The following SANBR variants were observed in gnomAD, a reference collection of about 807,000 sequenced individuals.
SANBR encodes the protein SANT and BTB domain regulator of class switch recombination.
SANBR carries 77 observed loss-of-function variants against 101.8 expected under a neutral mutation model. The observed-to-expected ratio is 0.76, with a 90% CI of 0.63 to 0.91. SANBR has a LOEUF of 0.91. Ranked by LOEUF, SANBR falls within the 40% of genes least tolerant of loss-of-function variation. The pLI is 0.00. For synonymous variants in SANBR, 279 were observed against 274.7 expected (o/e 1.02, Z -0.15); for missense variants, 875 against 853.0 (o/e 1.03, Z -0.32).
At chr2:61,086,796 A>G (rs1682455889) in intron 8 of SANBR, among the ~76,000 whole-genome samples, 1 of 152,202 alleles carries the variant, frequency 6.6e-6, no homozygotes, top group African/African-American at 2.4e-5. Flanking sequence ...GCTGATCAGA[A>G]TGATCCATTA....
At chr2:61,093,775 G>T (rs1021818515) in intron 11 of SANBR, among the ~76,000 whole-genome samples, 8 of 152,108 alleles carry the variant, frequency 5.3e-5, no homozygotes, top group African/African-American at 1.9e-4. Context: ...ATTGATATGT[G>T]CCTTTGTTGT....
chr2:61,134,066 CTCT>C (rs1346326522), intron 20 of SANBR: 16 of 1,575,806 alleles, frequency 1.0e-5, no homozygotes, highest in Middle Eastern at 3.4e-4. Context: ...TTTGTTTAAT[CTCT>C]TCTTGTGTTT....
chr2:61,078,524 C>T (rs1573595737), intron 6 of SANBR, among the ~76,000 whole-genome samples: 2 of 151,958 alleles, frequency 1.3e-5, no homozygotes, highest in South Asian at 2.1e-4. Context: ...CGGGTTCAAG[C>T]GGTTCTCCTG....
intron 12 of SANBR, among the ~76,000 whole-genome samples, chr2:61,100,892 T>C (rs1683250059): frequency 6.6e-6 from 1 of 152,168 alleles, no homozygotes; most frequent in Non-Finnish European, 1.5e-5. Context: ...CAGTAACCCT[T>C]GTCTGCGTGA....
chr2:61,131,466 A>G (rs1407433958), intron 20 of SANBR, among the ~76,000 whole-genome samples: 1 of 152,218 alleles, frequency 6.6e-6, no homozygotes, highest in Non-Finnish European at 1.5e-5. Context: ...AGGCCTAATG[A>G]TAAATTTAAC....
chr2:61,091,817 A>G (rs1223545996), intron 10 of SANBR, among the ~76,000 whole-genome samples: 2 of 152,180 alleles, frequency 1.3e-5, no homozygotes, highest in Non-Finnish European at 2.9e-5. Flanking sequence ...ATATGACCAT[A>G]GCAAATATGG....
chr2:61,089,393 C>T (rs945636688), intron 10 of SANBR: 13 of 155,300 alleles, frequency 8.4e-5, no homozygotes, highest in African/African-American at 3.1e-4. Flanking sequence ...GTAGTCTCAG[C>T]TACTTGGGAG....
At chr2:61,104,426 G>C (rs1162060047) in intron 13 of SANBR, among the ~76,000 whole-genome samples, 1 of 151,082 alleles carries the variant, frequency 6.6e-6, no homozygotes, top group Non-Finnish European at 1.5e-5. Context: ...AGCTGGCAGT[G>C]AGCCAAGATC....
At chr2:61,078,150 A>G (rs1219955294) in intron 6 of SANBR, among the ~76,000 whole-genome samples, 1 of 152,252 alleles carries the variant, frequency 6.6e-6, no homozygotes, top group Admixed American at 6.5e-5. Context: ...CATTTTCCAA[A>G]TGACCAATAC....
chr2:61,110,548 G>A (rs567620074), intron 16 of SANBR, among the ~76,000 whole-genome samples: 19 of 152,288 alleles, frequency 1.2e-4, no homozygotes, highest in East Asian at 7.7e-4. Context: ...GCATAATGAC[G>A]GGTTCCTGTA....
intron 12 of SANBR, among the ~76,000 whole-genome samples, chr2:61,099,884 TGAAA>T (rs1298771932): frequency 1.3e-5 from 2 of 152,062 alleles, no homozygotes; most frequent in African/African-American, 4.8e-5. Context: ...AATAAAATAA[TGAAA>T]GAACTGTGTC....
intron 16 of SANBR, among the ~76,000 whole-genome samples, chr2:61,110,316 G>A (rs1011562846): frequency 6.6e-6 from 1 of 152,168 alleles, no homozygotes; most frequent in African/African-American, 2.4e-5. Context: ...AGCCGAGGCA[G>A]GCAGATCACC....
Position 61,088,449 on chromosome 2 carries a change from A to G in SANBR, c.1069A>G (p.Ile357Val), listed in dbSNP as rs769562584. The change falls in exon 10 of 22, where the codon ATT (isoleucine) becomes GTT (valine). Residue 357 changes from isoleucine (I) to valine (V), a missense_variant. Transcript: ENST00000402291. ...GKINVDRRGN[I>V]VYIHIRDKTW... Reference sequence around the variant, plus strand: ...AATCAATGTGGATCGACGTGGAAATATTGTCTATATTCACATAAGGTGTCG... The same window carrying G: ...AATCAATGTGGATCGACGTGGAAATGTTGTCTATATTCACATAAGGTGTCG... The G allele has an allele frequency of 6.2e-6, 10 of 1,604,470 alleles. No homozygotes were observed. The highest frequency in any genetic ancestry group is 4.5e-5 in the East Asian group (2 of 44,686).
downstream of SANBR, among the ~76,000 whole-genome samples, chr2:61,127,741 A>G (rs1397902456): frequency 6.6e-6 from 1 of 152,218 alleles, no homozygotes; most frequent in East Asian, 1.9e-4. Flanking sequence ...ATGAGACATC[A>G]TTAAGCTCGC....
At chr2:61,101,303 A>T (rs1358121182) in intron 12 of SANBR, among the ~76,000 whole-genome samples, 1 of 152,188 alleles carries the variant, frequency 6.6e-6, no homozygotes, top group African/African-American at 2.4e-5. Context: ...CTTTCTAACC[A>T]CATTAATTTC....
At chr2:61,133,189 T>C (rs765205637) in intron 20 of SANBR, among the ~76,000 whole-genome samples, 1 of 151,854 alleles carries the variant, frequency 6.6e-6, no homozygotes, top group Admixed American at 6.6e-5. Flanking sequence ...GAGGTGGAGG[T>C]TGCAGTGAGC....
chr2:61,077,551 A>T (rs1451167737), intron 6 of SANBR, among the ~76,000 whole-genome samples: 1 of 152,186 alleles, frequency 6.6e-6, no homozygotes, highest in East Asian at 1.9e-4. Context: ...CAGGGGCACC[A>T]AACTGTACTA....
intron 7 of SANBR, among the ~76,000 whole-genome samples, chr2:61,081,801 A>G (rs960942810): frequency 2.6e-5 from 4 of 152,086 alleles, no homozygotes. Flanking sequence ...GGCGCATGCC[A>G]CTACGCCCAG....
intron 11 of SANBR, among the ~76,000 whole-genome samples, chr2:61,092,959 C>CATCTAA (rs1480830553): frequency 6.6e-6 from 1 of 152,056 alleles, no homozygotes; most frequent in Non-Finnish European, 1.5e-5. Context: ...TGGTGAAACC[C>CATCTAA]CATCTCTAGT....
Sources: allele counts gnomAD v4.1 joint callset (sites outside exome capture counted in the v4.1 genomes callset), GRCh38; gene constraint gnomAD v4.1.1; transcripts MANE v1.5; gene names NCBI Gene and HGNC (gene_info 2026-07-23, HGNC 2026-07-21).